The following IGF2BP3 variants were observed in gnomAD, a reference collection of about 807,000 sequenced individuals.
The protein encoded by IGF2BP3 is insulin like growth factor 2 mRNA binding protein 3.
Under a neutral mutation model 73.8 loss-of-function variants are expected in IGF2BP3, and 9 were observed. That is an observed-to-expected ratio of 0.12 (90% confidence interval 0.07 to 0.21). The LOEUF (loss-of-function observed/expected upper bound fraction) is 0.21, where lower values mean the gene tolerates loss of function less well. IGF2BP3 is among the 10% of genes least tolerant of loss of function. IGF2BP3 has a pLI of 1.00. For missense variants in IGF2BP3, 542 were observed against 714.0 expected (o/e 0.76, Z 2.75); for synonymous variants, 258 against 256.7 (o/e 1.01, Z -0.05).
At chr7:23,329,380 G>A (rs1237782333) in intron 10 of IGF2BP3, among the ~76,000 whole-genome samples, 1 of 152,150 alleles carries the variant, frequency 6.6e-6, no homozygotes, top group Non-Finnish European at 1.5e-5. Context: ...CCTACAGTGT[G>A]TGTGCATAGT....
chr7:23,418,706 A>C (rs1787261242), intron 3 of IGF2BP3, 70 bp downstream of exon 3: 4 of 999,330 alleles, frequency 4.0e-6, no homozygotes, highest in Non-Finnish European at 6.1e-6. Context: ...AAAGGAGAAA[A>C]AGCTTTGAAA....
intron 3 of IGF2BP3, among the ~76,000 whole-genome samples, chr7:23,411,195 A>G (rs1787007951): frequency 6.6e-6 from 1 of 152,226 alleles, no homozygotes; most frequent in Non-Finnish European, 1.5e-5. Flanking sequence ...CGCTCAGCTC[A>G]TGGACAGTCT....
chr7:23,400,159 T>C (rs1786612574), intron 3 of IGF2BP3, among the ~76,000 whole-genome samples: 1 of 152,212 alleles, frequency 6.6e-6, no homozygotes, highest in South Asian at 2.1e-4. Flanking sequence ...TAGTAAATCA[T>C]GCATTAAAAC....
Position 23,310,957 on chromosome 7 carries a change from A to C in IGF2BP3, c.*1405T>G, listed in dbSNP as rs886071388. On this transcript the variant is annotated 3_prime_UTR_variant, in exon 15 of 15. Transcript: ENST00000258729. ...GGGCTTTGCTGTCAAGGAGTGAGCAAATGAGTTCGTTATCAAAGGTCATAT... is the reference window on the plus strand; with the variant it reads ...GGGCTTTGCTGTCAAGGAGTGAGCACATGAGTTCGTTATCAAAGGTCATAT... The C allele has an allele frequency of 3.0e-4, 46 of 152,174 alleles. No individual in the cohort carries two copies. The highest frequency in any genetic ancestry group is 1.1e-3 in the African/African-American group (46 of 41,438). 9.4% of individuals were successfully genotyped at this position (152,174 alleles called of 1,614,324 possible).
intron 7 of IGF2BP3, 48 bp from the exon 8 acceptor site, chr7:23,346,110 GTGGGTAAAAAGACAATATTCACTCAT>G (rs762929112): frequency 6.4e-7 from 1 of 1,573,018 alleles, no homozygotes; most frequent in African/African-American, 1.4e-5. Context: ...AAACCTATTC[GTGGGTAAAAAGACAATATTCACTCAT>G]TAAACATTTA....
In IGF2BP3 at chr7:23,345,995, C is replaced by T; in HGVS notation, c.886G>A (p.Gly296Arg). The T allele has an allele frequency of 6.2e-7, 1 of 1,613,696 alleles. No individual in the cohort carries two copies. Among genetic ancestry groups the T allele is most frequent in the South Asian group, 1.1e-5 (1 of 91,076 alleles). Residue 296 changes from glycine to arginine, a missense_variant, in exon 8 of 15, where the codon GGA becomes AGA. Transcript: ENST00000258729. Reference sequence around the variant, plus strand: ...TGCTCAATTTTTTTAAGATTTCTTCCTTCTTTACCAATAAGACGTCCAACA... The same window carrying T: ...TGCTCAATTTTTTTAAGATTTCTTCTTTCTTTACCAATAAGACGTCCAACA... ...NFVGRLIGKE[G>R]RNLKKIEQDT...
intron 2 of IGF2BP3, among the ~76,000 whole-genome samples, chr7:23,422,293 A>G (rs569870552): frequency 1.3e-5 from 2 of 152,290 alleles, no homozygotes; most frequent in South Asian, 4.1e-4. Flanking sequence ...CACAAAGAGG[A>G]TACTATCTTT....
chr7:23,396,734 A>C (rs1395328812), intron 3 of IGF2BP3, among the ~76,000 whole-genome samples: 1 of 152,208 alleles, frequency 6.6e-6, no homozygotes, highest in Non-Finnish European at 1.5e-5. Context: ...ATTCTTGGCA[A>C]AGAAAATGTA....
chr7:23,368,326 G>GAAAGAAA (rs1785440531), intron 3 of IGF2BP3, among the ~76,000 whole-genome samples: 1 of 89,658 alleles, frequency 1.1e-5, no homozygotes, highest in African/African-American at 4.9e-5. Context: ...GAGAGAGAAA[G>GAAAGAAA]AAAAGAAAGA....
At chr7:23,317,515 G>C (rs749942894) in intron 12 of IGF2BP3, 124 bp downstream of exon 12, 52 of 724,424 alleles carry the variant, frequency 7.2e-5, no homozygotes, top group Admixed American at 1.3e-4. Context: ...ATTCTACTCA[G>C]CTCTTAGATA....
intron 2 of IGF2BP3, among the ~76,000 whole-genome samples, chr7:23,429,788 C>T (rs1208960598): frequency 1.3e-5 from 2 of 152,198 alleles, no homozygotes; most frequent in East Asian, 3.8e-4. Flanking sequence ...TATACATAGG[C>T]ACCTCAGGTA....
In IGF2BP3 at chr7:23,460,046, C is replaced by T. The variant is rs143440032; in HGVS notation, c.236+8436G>A. ...GAGTTCAAGACTAACCTAAGTAACACAGCAAGACATCGTCTCTACTAAAAA... is the reference window on the plus strand; with the variant it reads ...GAGTTCAAGACTAACCTAAGTAACATAGCAAGACATCGTCTCTACTAAAAA... On this transcript the variant is annotated intron_variant, in intron 2 of 14. Coordinates refer to ENST00000258729, the MANE Select transcript of IGF2BP3 (RefSeq NM_006547.3). Among the ~76,000 whole-genome samples the T allele has an allele frequency of 6.3e-3, 955 of 150,656 alleles. 4 individuals are homozygous for T. Among genetic ancestry groups the T allele is most frequent in the Non-Finnish European group, 0.01 (693 of 67,722 alleles).
intron 2 of IGF2BP3, among the ~76,000 whole-genome samples, chr7:23,430,175 C>G (rs1210988272): frequency 6.6e-6 from 1 of 151,934 alleles, no homozygotes; most frequent in Non-Finnish European, 1.5e-5. Flanking sequence ...CCTCCACCTC[C>G]CGGGTTCAAG....
At chr7:23,464,988 T>C (rs909843620) in intron 2 of IGF2BP3, among the ~76,000 whole-genome samples, 1 of 152,194 alleles carries the variant, frequency 6.6e-6, no homozygotes, top group Non-Finnish European at 1.5e-5. Context: ...ATTTTCGTAA[T>C]TTTAAAAAGT....
At chr7:23,437,256 T>A (rs988541747) in intron 2 of IGF2BP3, among the ~76,000 whole-genome samples, 7 of 151,590 alleles carry the variant, frequency 4.6e-5, no homozygotes, top group African/African-American at 1.7e-4. Flanking sequence ...CTGAGGTGGG[T>A]GGATCACCTA....
chr7:23,421,848 G>C (rs1353267606), intron 2 of IGF2BP3, among the ~76,000 whole-genome samples: 1 of 151,968 alleles, frequency 6.6e-6, no homozygotes, highest in Admixed American at 6.6e-5. Flanking sequence ...GCAGTGGCGT[G>C]GTCTTAGCTC....
At chr7:23,331,859 GA>G (rs35506768) in intron 10 of IGF2BP3, among the ~76,000 whole-genome samples, 26,092 of 95,796 alleles carry the variant, frequency 0.27, 3,001 homozygotes, top group East Asian at 0.43. Context: ...AACTGTCTCA[GA>G]AAAAAAAAAA....
chr7:23,465,085 AAC>A (rs1280552953), intron 2 of IGF2BP3, among the ~76,000 whole-genome samples: 3 of 152,314 alleles, frequency 2.0e-5, no homozygotes, highest in African/African-American at 7.2e-5. Context: ...AACAGCCCAC[AAC>A]ATAACAAAAA....
At position 23,470,489 on chromosome 7, in the gene IGF2BP3, A is replaced by AT. The variant is rs1562770364; in HGVS notation, c.-380_-379insA. 6.5e-6 allele frequency: 1 copy of AT among 153,678 alleles called. No homozygotes were observed. The highest frequency in any genetic ancestry group is 1.4e-5 in the Non-Finnish European group (1 of 69,106). The allele number at this position is 153,678 out of a possible 1,614,324, so 9.5% of individuals were successfully genotyped here. ...GGCCAGCGGACTGTGAAAATATCACACTACGTGAGGCAGGCGCCGCCTCCC... is the reference window on the plus strand; with the variant it reads ...GGCCAGCGGACTGTGAAAATATCACATCTACGTGAGGCAGGCGCCGCCTCCC... On this transcript the variant is annotated 5_prime_UTR_variant, in exon 1 of 15. The change creates a new upstream start codon in the 5' untranslated region. Coordinates refer to ENST00000258729, the MANE Select transcript of IGF2BP3 (RefSeq NM_006547.3).
Sources: gnomAD v4.1 joint callset for allele counts (sites outside exome capture counted in the v4.1 genomes callset) on GRCh38, gnomAD v4.1.1 for gene constraint, MANE v1.5 for transcripts, NCBI Gene and HGNC (gene_info 2026-07-23, HGNC 2026-07-21) for gene names.